The following PEMT variants were observed in gnomAD, a reference collection of about 807,000 sequenced individuals.
PEMT encodes the protein phospholipid methyltransferase.
Under a neutral mutation model 27.4 loss-of-function variants are expected in PEMT, and 23 were observed. The ratio of observed to expected loss-of-function variants is 0.84; its 90% CI spans 0.60 to 1.19. The LOEUF (loss-of-function observed/expected upper bound fraction) is 1.19. Among genes scored for constraint, PEMT ranks in the 50% most tolerant of loss-of-function variants. The pLI, the probability that PEMT is intolerant of heterozygous loss-of-function variation, is 0.00. For missense variants in PEMT, 307 were observed against 310.1 expected, an observed-to-expected ratio of 0.99 and a Z score of 0.07; for synonymous variants, 137 against 139.1, an observed-to-expected ratio of 0.98 and a Z score of 0.11.
chr17:17,541,630 G>A (rs530353544), intron 2 of PEMT, among the ~76,000 whole-genome samples: 119 of 152,360 alleles, frequency 7.8e-4, no homozygotes, highest in Non-Finnish European at 5.1e-4. Flanking sequence ...CTAAAGCAGC[G>A]GTGAGCACAG....
chr17:17,588,611 C>A lies in PEMT; in HGVS notation c.96+2920G>T, dbSNP rs544981197. Among the ~76,000 whole-genome samples, 3 of 152,196 alleles carry A rather than the reference C, an allele frequency of 2.0e-5. No individual in the cohort carries two copies. In the South Asian group the frequency reaches 6.2e-4, roughly 31 times the overall value. Reference sequence around the variant, plus strand: ...ACCAAGCTGGAGACATCATCACTCACCCGCTCTGGTGAGCAGGTGATTCGC... The same window carrying A: ...ACCAAGCTGGAGACATCATCACTCAACCGCTCTGGTGAGCAGGTGATTCGC... On this transcript the variant is annotated intron_variant, in intron 1 of 6. Transcript: ENST00000255389.
intron 2 of PEMT, among the ~76,000 whole-genome samples, chr17:17,529,990 C>T (rs762698948): frequency 2.6e-5 from 4 of 151,952 alleles, no homozygotes; most frequent in African/African-American, 7.3e-5. Context: ...AAAGCAAGTG[C>T]GGAAGGTGCA....
intron 1 of PEMT, among the ~76,000 whole-genome samples, chr17:17,580,550 G>A (rs1225474065): frequency 1.3e-5 from 2 of 152,124 alleles, no homozygotes; most frequent in African/African-American, 4.8e-5. Flanking sequence ...TGGGGGGAGG[G>A]TGGAAAGCTG....
chr17:17,573,888 T>A (rs954246686), intron 2 of PEMT, among the ~76,000 whole-genome samples: 1 of 152,140 alleles, frequency 6.6e-6, no homozygotes, highest in Non-Finnish European at 1.5e-5. Flanking sequence ...TTCAAGTGAT[T>A]CTCCTACCTC....
chr17:17,561,492 C>T lies in PEMT; in HGVS notation c.204+15428G>A, dbSNP rs1421198999. ...CAACAGATGCCCTGGGGTGGCTGCC[C>T]GAGGGGGAAGCGGACGGTAAGGCTG... is the stretch of plus-strand genomic sequence containing the variant. On this transcript the variant is annotated intron_variant, in intron 2 of 6. Transcript: ENST00000255389. The surrounding 1 kb of genome is among the most constrained non-coding windows in gnomAD (Gnocchi z 4.5). Among the ~76,000 whole-genome samples, 4 of 152,216 alleles carry T rather than the reference C, an allele frequency of 2.6e-5. No homozygotes were observed. The highest frequency in any genetic ancestry group is 4.2e-4 in the South Asian group (2 of 4,814).
chr17:17,530,903 C>T (rs1908041157), intron 2 of PEMT, among the ~76,000 whole-genome samples: 2 of 152,040 alleles, frequency 1.3e-5, no homozygotes, highest in Middle Eastern at 3.4e-3. Context: ...ATTGGCCGGG[C>T]GTAACGGCAG....
intron 3 of PEMT, among the ~76,000 whole-genome samples, chr17:17,520,609 C>T (rs1263623783): frequency 1.3e-5 from 2 of 152,226 alleles, no homozygotes; most frequent in Non-Finnish European, 2.9e-5. Flanking sequence ...GCACAGGCCC[C>T]GAGGCGGTGC....
chr17:17,539,609 G>A (rs1438936062), intron 2 of PEMT, among the ~76,000 whole-genome samples: 1 of 152,218 alleles, frequency 6.6e-6, no homozygotes, highest in East Asian at 1.9e-4. Flanking sequence ...CTGCTCGTGG[G>A]ATTTTGCTAC....
intron 2 of PEMT, among the ~76,000 whole-genome samples, chr17:17,557,778 C>T (rs1019684571): frequency 2.0e-5 from 3 of 152,212 alleles, no homozygotes; most frequent in Non-Finnish European, 2.9e-5. Flanking sequence ...TAGAGCCAGG[C>T]GTCCGGGACT....
chr17:17,554,882 CT>C (rs2142663323), intron 2 of PEMT, among the ~76,000 whole-genome samples: 1 of 152,228 alleles, frequency 6.6e-6, no homozygotes, highest in East Asian at 1.9e-4. Flanking sequence ...TCCCAAAGTG[CT>C]AGGATTACAG....
At chr17:17,529,730 C>T (rs906639348) in intron 2 of PEMT, among the ~76,000 whole-genome samples, 3 of 152,240 alleles carry the variant, frequency 2.0e-5, no homozygotes, top group Admixed American at 2.0e-4. Flanking sequence ...CTCCCCGCCT[C>T]CTCCATTATG....
At position 17,523,837 on chromosome 17, in the gene PEMT, A is replaced by C. The variant is rs73294358; in HGVS notation, c.205-1442T>G. On this transcript the variant is annotated intron_variant, in intron 2 of 6. Coordinates refer to ENST00000255389, the MANE Select transcript of PEMT (RefSeq NM_148172.3). The surrounding 1 kb of genome is among the most constrained non-coding windows in gnomAD (Gnocchi z 4.8). ...TTGTTCCAATTCTGAGATAAAATTCAAAGTAGTTTTTAGCTATGCAACCAT... is the reference window on the plus strand; with the variant it reads ...TTGTTCCAATTCTGAGATAAAATTCCAAGTAGTTTTTAGCTATGCAACCAT... Among the ~76,000 whole-genome samples the C allele has an allele frequency of 7.7e-4, 117 of 152,260 alleles. No homozygotes were observed. Among genetic ancestry groups the C allele is most frequent in the African/African-American group, 2.8e-3 (116 of 41,542 alleles).
intron 5 of PEMT, among the ~76,000 whole-genome samples, chr17:17,506,651 A>G (rs145790410): frequency 2.0e-4 from 31 of 152,290 alleles, no homozygotes; most frequent in Middle Eastern, 6.8e-3. Flanking sequence ...AGGGCTGTTC[A>G]TTCCCGCACA....
At chr17:17,567,351 C>T (rs1005594315) in intron 2 of PEMT, among the ~76,000 whole-genome samples, 11 of 152,292 alleles carry the variant, frequency 7.2e-5, no homozygotes, top group Admixed American at 5.2e-4. Context: ...CTAAAGTTAG[C>T]CCTAGCCTGA....
intron 2 of PEMT, among the ~76,000 whole-genome samples, chr17:17,526,087 C>A (rs1036921295): frequency 2.0e-5 from 3 of 152,204 alleles, no homozygotes; most frequent in African/African-American, 7.2e-5. Flanking sequence ...TGACCTGGAA[C>A]CCTAATGCAA....
At chr17:17,522,074 T>C (rs753766078) in intron 3 of PEMT, among the ~76,000 whole-genome samples, 10 of 152,176 alleles carry the variant, frequency 6.6e-5, no homozygotes, top group Non-Finnish European at 1.2e-4. Context: ...CATACCCCCA[T>C]TCCTGAGGTC....
intron 2 of PEMT, 57 bp from the exon 3 acceptor site, chr17:17,522,452 G>T: frequency 9.3e-7 from 1 of 1,071,272 alleles, no homozygotes; most frequent in Non-Finnish European, 1.4e-6. Flanking sequence ...TCCAGGGTGG[G>T]GGTGGGGAGC....
chr17:17,529,743 G>A (rs541189570), intron 2 of PEMT, among the ~76,000 whole-genome samples: 54 of 152,206 alleles, frequency 3.5e-4, no homozygotes, highest in African/African-American at 1.2e-3. Context: ...CCATTATGAC[G>A]GCCCACAGAG....
rs1281988798 is a variant in PEMT, at chr17:17,582,362, G to C, written c.97-5335C>G. The C allele has an allele frequency of 1.0e-6, 1 of 985,330 alleles. No individual in the cohort carries two copies. Among genetic ancestry groups the C allele is most frequent in the African/African-American group, 1.7e-5 (1 of 57,248 alleles). The allele number at this position is 985,330 out of a possible 1,614,324, so 61.0% of individuals were successfully genotyped here. A position where few individuals can be genotyped will look rare whatever the true frequency, so the allele number is the denominator to read the frequency against. On this transcript the variant is annotated intron_variant, in intron 1 of 6. Transcript: ENST00000255389. This position sits in a 1 kb window ranked among gnomAD's most constrained non-coding sequence, Gnocchi z 4.9. ...TGTTAACACCCCAAAGCATGGGTAA[G>C]GAAGAGGCTTTATGGTAATTTACTC...
Sources: gnomAD v4.1 joint callset for allele counts (sites outside exome capture counted in the v4.1 genomes callset) on GRCh38, gnomAD v4.1.1 for gene constraint, Gnocchi (gnomAD v3.1) non-coding constraint, MANE v1.5 for transcripts, NCBI Gene and HGNC (gene_info 2026-07-23, HGNC 2026-07-21) for gene names.